The following KDM1A variants were observed in gnomAD, a reference collection of about 807,000 sequenced individuals.
The protein encoded by KDM1A is lysine demethylase 1A.
A neutral mutation model predicts 109.4 loss-of-function variants in KDM1A; 49 were observed. The ratio of observed to expected loss-of-function variants is 0.45; its 90% CI spans 0.36 to 0.57. KDM1A has a LOEUF of 0.57. Ranked by LOEUF, KDM1A falls within the 20% of genes least tolerant of loss-of-function variation. The pLI is 0.00. For synonymous variants in KDM1A, 380 were observed against 415.4 expected, an observed-to-expected ratio of 0.91 and a Z score of 1.04; for missense variants, 668 against 1,116.6, an observed-to-expected ratio of 0.60 and a Z score of 5.73.
intron 20 of KDM1A, 64 bp downstream of exon 20, chr1:23,082,430 ATTTTTTTTT>A: frequency 9.2e-7 from 1 of 1,083,142 alleles, no homozygotes; most frequent in Non-Finnish European, 1.2e-6. Context: ...GATGTCCCTG[ATTTTTTTTT>A]TTTTTTTCAG....
intron 9 of KDM1A, among the ~76,000 whole-genome samples, chr1:23,062,127 G>T (rs549835537): frequency 2.1e-4 from 32 of 152,222 alleles, no homozygotes; most frequent in Non-Finnish European, 3.8e-4. Flanking sequence ...GTTTGCCTAA[G>T]GTTATCATAA....
At chr1:23,063,231 G>T (rs12737923) in intron 9 of KDM1A, among the ~76,000 whole-genome samples, 528 of 29,406 alleles carry the variant, frequency 0.018, 21 homozygotes, top group African/African-American at 0.037. Flanking sequence ...GGTGTGTGTG[G>T]GTGTGTGTGT....
At chr1:23,030,733 G>A (rs1362051985) in intron 2 of KDM1A, 99 bp downstream of exon 2, 1 of 1,288,166 alleles carries the variant, frequency 7.8e-7, no homozygotes. Context: ...TTTATCTTTG[G>A]TTTATAATAA....
chr1:23,080,123 C>T (rs12061192), intron 18 of KDM1A, among the ~76,000 whole-genome samples: 5,618 of 152,232 alleles, frequency 0.037, 353 homozygotes, highest in African/African-American at 0.13. Context: ...AATATTTGTA[C>T]CCCACCTCAT....
chr1:23,026,067 G>A (rs1381091346), intron 1 of KDM1A, among the ~76,000 whole-genome samples: 1 of 152,084 alleles, frequency 6.6e-6, no homozygotes, highest in South Asian at 2.1e-4. Flanking sequence ...TTCCAGCCTT[G>A]GCGACAGTGA....
chr1:23,062,700 T>C (rs2124489457), intron 9 of KDM1A, among the ~76,000 whole-genome samples: 1 of 152,360 alleles, frequency 6.6e-6, no homozygotes, highest in South Asian at 2.1e-4. Context: ...AGCTAGTATA[T>C]TGAGTTTCTG....
In KDM1A at chr1:23,044,457, C is replaced by G; in HGVS notation, c.548C>G (p.Ser183Cys). Residue 183 changes from serine to cysteine, a missense_variant, in exon 3 of 21, where the codon TCT (serine) becomes TGT (cysteine). Coordinates refer to ENST00000400181, the MANE Select transcript of KDM1A (RefSeq NM_001009999.3). ...GQAGGLQDDSSGGYGDGQASG... is the reference protein window; with the variant it reads ...GQAGGLQDDSCGGYGDGQASG... ...GCAGGAGGACTTCAAGACGACAGTT[C>G]TGGAGGGTATGGAGACGGCCAAGCA... The G allele has an allele frequency of 1.2e-6, 2 of 1,613,042 alleles. No homozygotes were observed. The highest frequency in any genetic ancestry group is 1.7e-6 in the Non-Finnish European group (2 of 1,179,740).
At chr1:23,054,350 G>A (rs997152269) in intron 5 of KDM1A, among the ~76,000 whole-genome samples, 1 of 152,132 alleles carries the variant, frequency 6.6e-6, no homozygotes, top group Admixed American at 6.5e-5. Context: ...TTGAGCCCAG[G>A]AGTTTGAGTT....
intron 18 of KDM1A, 174 bp from the exon 19 acceptor site, chr1:23,081,272 C>T (rs1569830879): frequency 2.9e-6 from 2 of 692,398 alleles, no homozygotes; most frequent in Non-Finnish European, 4.6e-6. Context: ...TGTCTGGCGA[C>T]AAAGAGTTCT....
chr1:23,050,495 T>C lies in KDM1A; in HGVS notation c.686T>C (p.Val229Ala). Residue 229 changes from valine to alanine, a missense_variant, in exon 4 of 21, where the codon GTT becomes GCT. By Grantham distance (64) the Val-to-Ala change is moderately conservative. Around this residue, in one of 8 missense-constraint regions of KDM1A, gnomAD observed 149 missense variants for 189.7 expected, o/e 0.79. Coordinates refer to ENST00000400181, the MANE Select transcript of KDM1A (RefSeq NM_001009999.3). ...IISGPQQTQKVFLFIRNRTLQ... is the reference protein window; with the variant it reads ...IISGPQQTQKAFLFIRNRTLQ... ...AGTGGACCACAACAGACCCAGAAGG[T>C]TTTTCTTTTCATTAGAAACCGCACA... The C allele has an allele frequency of 6.2e-7, 1 of 1,609,196 alleles. No individual in the cohort carries two copies. The highest frequency in any genetic ancestry group is 1.1e-5 in the South Asian group (1 of 90,126).
intron 8 of KDM1A, chr1:23,057,800 CTTT>C (rs10685820): frequency 3.5e-3 from 440 of 127,288 alleles, no homozygotes; most frequent in South Asian, 0.016. Flanking sequence ...GTGTTTGAAG[CTTT>C]TTTTTTTTTT....
At chr1:23,031,965 C>T (rs1193307789) in intron 2 of KDM1A, among the ~76,000 whole-genome samples, 2 of 152,132 alleles carry the variant, frequency 1.3e-5, no homozygotes, top group African/African-American at 2.4e-5. Flanking sequence ...TTACACCTCT[C>T]GTTATTCATT....
chr1:23,019,654 G>C lies in KDM1A; in HGVS notation c.58G>C (p.Gly20Arg). Residue 20 changes from glycine (G) to arginine (R), a missense_variant, in exon 1 of 21, where the codon GGG becomes CGG. Gly to Arg is a moderately radical substitution (Grantham distance 125, BLOSUM62 -2). Coordinates refer to ENST00000400181, the MANE Select transcript of KDM1A (RefSeq NM_001009999.3). ...AAAAAAAAAT[G>R]TEAGPGTAGG... ...GGCGGCGGCTGCAGCGGCAGCAACC[G>C]GGACGGAGGCTGGCCCTGGGACAGC... The C allele has an allele frequency of 2.1e-6, 3 of 1,407,852 alleles. No individual in the cohort carries two copies. Among genetic ancestry groups the C allele is most frequent in the South Asian group, 1.5e-5 (1 of 64,670 alleles). 87.2% of individuals were successfully genotyped at this position (1,407,852 alleles called of 1,614,324 possible).
intron 1 of KDM1A, among the ~76,000 whole-genome samples, chr1:23,029,662 T>G (rs1641916736): frequency 6.6e-6 from 1 of 152,118 alleles, no homozygotes; most frequent in South Asian, 2.1e-4. Context: ...TTTTTTGAGA[T>G]GGAGTCTCAC....
intron 4 of KDM1A, among the ~76,000 whole-genome samples, chr1:23,051,860 G>A (rs1376703385): frequency 1.3e-5 from 2 of 152,186 alleles, no homozygotes; most frequent in African/African-American, 4.8e-5. Flanking sequence ...GATTGTTAAA[G>A]CAATTGATAG....
intron 1 of KDM1A, among the ~76,000 whole-genome samples, chr1:23,021,029 A>G (rs1641611315): frequency 6.6e-6 from 1 of 152,222 alleles, no homozygotes; most frequent in Non-Finnish European, 1.5e-5. Context: ...AAATTTGCAG[A>G]TTATATAATT....
At chr1:23,081,952 G>A in intron 19 of KDM1A, 1 of 442,124 alleles carries the variant, frequency 2.3e-6, no homozygotes, top group Non-Finnish European at 4.0e-6. Context: ...AGGATATTGT[G>A]AATTTATAAA....
intron 2 of KDM1A, among the ~76,000 whole-genome samples, chr1:23,033,484 T>C (rs1321970391): frequency 1.3e-5 from 2 of 152,042 alleles, no homozygotes; most frequent in African/African-American, 4.8e-5. Flanking sequence ...ATTGTGCCAC[T>C]GCACTCCAGT....
Position 23,079,563 on chromosome 1 carries a change from G to C in KDM1A, c.2066G>C (p.Cys689Ser). 1 of 1,613,618 alleles carries C rather than the reference G, an allele frequency of 6.2e-7. No homozygotes were observed. The change falls in exon 18 of 21, where the codon TGT (cysteine) becomes TCT (serine). Residue 689 changes from cysteine (C) to serine (S), a missense_variant. Cys to Ser is a moderately radical substitution (Grantham distance 112, BLOSUM62 -1). Coordinates refer to ENST00000400181, the MANE Select transcript of KDM1A (RefSeq NM_001009999.3). The surrounding 1 kb of genome is among the most constrained non-coding windows in gnomAD (Gnocchi z 5.6). Reference sequence around the variant, plus strand: ...TCTTTCTTATGGTAGGTGGTGTTGTGTTTTGATCGGGTGTTCTGGGATCCA... The same window carrying C: ...TCTTTCTTATGGTAGGTGGTGTTGTCTTTTGATCGGGTGTTCTGGGATCCA... ...GFGNLNKVVL[C>S]FDRVFWDPSV...
Sources: gnomAD v4.1 joint callset for allele counts (sites outside exome capture counted in the v4.1 genomes callset) on GRCh38, gnomAD v4.1.1 for gene constraint, gnomAD v4.1.1 regional missense constraint, Gnocchi (gnomAD v3.1) non-coding constraint, MANE v1.5 for transcripts, NCBI Gene and HGNC (gene_info 2026-07-23, HGNC 2026-07-21) for gene names.